The following GPC5 variants were observed in gnomAD, a reference collection of about 807,000 sequenced individuals.
The protein encoded by GPC5 is glypican 5.
GPC5 carries 47 observed loss-of-function variants against 53.9 expected under a neutral mutation model. That is an observed-to-expected ratio of 0.87 (90% CI 0.69 to 1.11). GPC5 has a LOEUF of 1.11. GPC5 is among the 50% of genes most tolerant of loss of function. The pLI, the probability that GPC5 is intolerant of heterozygous loss-of-function variation, is 0.00. For missense variants in GPC5, 748 were observed against 713.1 expected (o/e 1.05, Z -0.56); for synonymous variants, 286 against 263.3 (o/e 1.09, Z -0.84).
At position 92,807,228 on chromosome 13, in the gene GPC5, C is replaced by T. The variant is rs7319830; in HGVS notation, c.1562-59054C>T. On this transcript the variant is annotated intron_variant, in intron 7 of 7. Coordinates refer to ENST00000377067, the MANE Select transcript of GPC5 (RefSeq NM_004466.6). Reference sequence around the variant, plus strand: ...TTTGTGCAACAGTGGAGAGCTTGTTCGCCAATAATTCACGTACCTAAAACC... The same window carrying T: ...TTTGTGCAACAGTGGAGAGCTTGTTTGCCAATAATTCACGTACCTAAAACC... Among the ~76,000 whole-genome samples the T allele has an allele frequency of 1.8e-3, 270 of 151,972 alleles. 1 individual carries two copies. Among genetic ancestry groups the T allele is most frequent in the African/African-American group, 6.4e-3 (267 of 41,480 alleles).
chr13:91,968,467 CT>C (rs1176326023), intron 6 of GPC5, among the ~76,000 whole-genome samples: 2 of 150,200 alleles, frequency 1.3e-5, no homozygotes, highest in East Asian at 1.9e-4. Flanking sequence ...CTTTTTTTTT[CT>C]TTTTTTGTTT....
intron 7 of GPC5, among the ~76,000 whole-genome samples, chr13:92,717,224 A>G (rs1381711407): frequency 1.3e-5 from 2 of 152,144 alleles, no homozygotes; most frequent in African/African-American, 2.4e-5. Flanking sequence ...AAGAGATGGT[A>G]TCAATGTGTT....
intron 2 of GPC5, among the ~76,000 whole-genome samples, chr13:91,527,234 G>A (rs1328715218): frequency 6.6e-6 from 1 of 152,186 alleles, no homozygotes; most frequent in Non-Finnish European, 1.5e-5. Flanking sequence ...TAAAAAACAA[G>A]TCAGTTACTT....
chr13:91,588,254 T>A (rs1007956542), intron 2 of GPC5, among the ~76,000 whole-genome samples: 4 of 152,160 alleles, frequency 2.6e-5, no homozygotes, highest in African/African-American at 9.6e-5. Flanking sequence ...GGCCTCAAAT[T>A]TGTACCCTAT....
intron 6 of GPC5, among the ~76,000 whole-genome samples, chr13:91,945,612 AG>A: frequency 6.6e-6 from 1 of 152,304 alleles, no homozygotes; most frequent in Non-Finnish European, 1.5e-5. Flanking sequence ...GGTTAATAGC[AG>A]GACTTTCCTC....
chr13:92,649,721 CTT>C (rs1429213918), intron 7 of GPC5, among the ~76,000 whole-genome samples: 4 of 152,096 alleles, frequency 2.6e-5, no homozygotes, highest in African/African-American at 9.7e-5. Flanking sequence ...GTAAAACAAA[CTT>C]GGTTCATTGG....
At chr13:91,790,609 T>G (rs908325708) in intron 5 of GPC5, among the ~76,000 whole-genome samples, 1 of 152,236 alleles carries the variant, frequency 6.6e-6, no homozygotes, top group African/African-American at 2.4e-5. Context: ...ACTTTAAATT[T>G]TCTATGATAT....
At chr13:91,953,256 A>G (rs895685546) in intron 6 of GPC5, among the ~76,000 whole-genome samples, 12 of 152,158 alleles carry the variant, frequency 7.9e-5, no homozygotes, top group African/African-American at 2.9e-4. Flanking sequence ...GCTGGACCTG[A>G]TGAATATTTA....
In GPC5 at chr13:91,550,297, T is replaced by C. The variant is rs74793711; in HGVS notation, c.325+101375T>C. Among the ~76,000 whole-genome samples, 1,044 of 152,208 alleles carry C rather than the reference T, an allele frequency of 6.9e-3. 6 individuals carry two copies. The highest frequency in any genetic ancestry group is 0.017 in the Middle Eastern group (5 of 294). Reference sequence around the variant, plus strand: ...GCAATTTTAGGGCACTGGAAAACTCTGTATGATACTATAATGATGAATACA... The same window carrying C: ...GCAATTTTAGGGCACTGGAAAACTCCGTATGATACTATAATGATGAATACA... On this transcript the variant is annotated intron_variant, in intron 2 of 7. Coordinates refer to ENST00000377067, the MANE Select transcript of GPC5 (RefSeq NM_004466.6).
chr13:92,202,077 T>A (rs996979421), intron 7 of GPC5, among the ~76,000 whole-genome samples: 1 of 152,194 alleles, frequency 6.6e-6, no homozygotes, highest in Non-Finnish European at 1.5e-5. Context: ...ATAGATTATG[T>A]CAGAAGTCAG....
Position 91,556,570 on chromosome 13 carries a change from TAC to T in GPC5, c.325+107658_325+107659del, listed in dbSNP as rs779133756. The stretch of plus-strand genomic sequence containing the variant: ...GTGTGTGTGTGTATATATATATATA[TAC>T]ACACACACAGACACCCACACACACA... On this transcript the variant is annotated intron_variant, in intron 2 of 7. Coordinates refer to ENST00000377067, the MANE Select transcript of GPC5 (RefSeq NM_004466.6). Among the ~76,000 whole-genome samples, 1,149 of 149,716 alleles carry T rather than the reference TAC, an allele frequency of 7.7e-3. 6 individuals carry two copies. The highest frequency in any genetic ancestry group is 0.021 in the Middle Eastern group (6 of 290).
At chr13:92,664,082 A>T (rs1886488193) in intron 7 of GPC5, among the ~76,000 whole-genome samples, 1 of 151,690 alleles carries the variant, frequency 6.6e-6, no homozygotes, top group Admixed American at 6.6e-5. Flanking sequence ...AAACAAAAAA[A>T]GATGGCAAAC....
At chr13:92,422,742 G>C (rs936257347) in intron 7 of GPC5, among the ~76,000 whole-genome samples, 4 of 150,356 alleles carry the variant, frequency 2.7e-5, no homozygotes, top group African/African-American at 9.8e-5. Flanking sequence ...AATTCTAGAG[G>C]AAAAAAAAAG....
At position 92,391,097 on chromosome 13, in the gene GPC5, C is replaced by T. The variant is rs562527981; in HGVS notation, c.1561+246108C>T. Reference sequence around the variant, plus strand: ...TTGTATAAACAAGATTATTGTCTTCCTTGAATTGCTGTAGAGGCATCACAA... The same window carrying T: ...TTGTATAAACAAGATTATTGTCTTCTTTGAATTGCTGTAGAGGCATCACAA... On this transcript the variant is annotated intron_variant, in intron 7 of 7. Coordinates refer to ENST00000377067, the MANE Select transcript of GPC5 (RefSeq NM_004466.6). Among the ~76,000 whole-genome samples, 123 of 151,922 alleles carry T rather than the reference C, an allele frequency of 8.1e-4. No individual in the cohort carries two copies. In the Middle Eastern group the frequency reaches 0.01, roughly 13 times the overall value.
At chr13:92,371,515 A>G (rs1170617564) in intron 7 of GPC5, among the ~76,000 whole-genome samples, 1 of 152,172 alleles carries the variant, frequency 6.6e-6, no homozygotes, top group African/African-American at 2.4e-5. Context: ...AAAGACATAC[A>G]CAAGACTGGA....
At chr13:92,844,492 C>A (rs1878537060) in intron 7 of GPC5, among the ~76,000 whole-genome samples, 1 of 151,860 alleles carries the variant, frequency 6.6e-6, no homozygotes, top group African/African-American at 2.4e-5. Flanking sequence ...AAATAGATTT[C>A]CTTAATACAT....
chr13:92,539,089 T>C (rs1881838456), intron 7 of GPC5, among the ~76,000 whole-genome samples: 1 of 148,442 alleles, frequency 6.7e-6, no homozygotes, highest in African/African-American at 2.5e-5. Context: ...TTTGGGTATA[T>C]AGTAGAATGA....
chr13:92,075,474 C>A (rs1296088006), intron 6 of GPC5, among the ~76,000 whole-genome samples: 1 of 152,010 alleles, frequency 6.6e-6, no homozygotes, highest in Non-Finnish European at 1.5e-5. Flanking sequence ...TATATTTGAC[C>A]CAATTCTAAA....
intron 1 of GPC5, among the ~76,000 whole-genome samples, chr13:91,426,703 C>T (rs1348354251): frequency 6.6e-6 from 1 of 152,196 alleles, no homozygotes; most frequent in African/African-American, 2.4e-5. Context: ...CTTAGCCTGT[C>T]TAGTCCTTCC....
Sources: allele counts gnomAD v4.1 joint callset (sites outside exome capture counted in the v4.1 genomes callset), GRCh38; gene constraint gnomAD v4.1.1; transcripts MANE v1.5; gene names NCBI Gene and HGNC (gene_info 2026-07-23, HGNC 2026-07-21).